The following CHN1 variants were observed in gnomAD, a reference collection of about 807,000 sequenced individuals.
CHN1 encodes the protein chimerin 1, also known as N-chimaerin.
Under a neutral mutation model 59.5 loss-of-function variants are expected in CHN1, and 37 were observed. That is an observed-to-expected ratio of 0.62 (90% confidence interval 0.48 to 0.82). The LOEUF is 0.82. Ranked by LOEUF, CHN1 falls within the 40% of genes least tolerant of loss-of-function variation. The probability of loss-of-function intolerance (pLI) is 0.00; values close to 1 mark genes in which losing one functional copy is unlikely to be tolerated. For missense variants in CHN1, 469 were observed against 571.0 expected (o/e 0.82, Z 1.82); for synonymous variants, 206 against 200.4 (o/e 1.03, Z -0.24).
At chr2:174,910,549 C>A (rs1429996512) in intron 5 of CHN1, among the ~76,000 whole-genome samples, 1 of 151,862 alleles carries the variant, frequency 6.6e-6, no homozygotes, top group Non-Finnish European at 1.5e-5. Flanking sequence ...AAGTAAACAG[C>A]CATTAGGATA....
At chr2:174,875,539 T>C (rs1687542067) in intron 6 of CHN1, among the ~76,000 whole-genome samples, 1 of 152,186 alleles carries the variant, frequency 6.6e-6, no homozygotes. Flanking sequence ...TTCAGAAAAG[T>C]AAAGCAGTTT....
At chr2:174,971,722 G>C (rs1690764287) in intron 1 of CHN1, among the ~76,000 whole-genome samples, 1 of 152,172 alleles carries the variant, frequency 6.6e-6, no homozygotes, top group Non-Finnish European at 1.5e-5. Context: ...AAAGTCACAA[G>C]GAGCAGAGCC....
intron 5 of CHN1, among the ~76,000 whole-genome samples, chr2:174,910,208 T>C (rs1386701863): frequency 6.6e-6 from 1 of 152,204 alleles, no homozygotes; most frequent in Non-Finnish European, 1.5e-5. Context: ...ATAGTTTTAG[T>C]GAAATACATA....
chr2:174,886,425 T>G (rs545541235), intron 5 of CHN1, among the ~76,000 whole-genome samples: 1 of 152,344 alleles, frequency 6.6e-6, no homozygotes, highest in African/African-American at 2.4e-5. Flanking sequence ...AACTTCTAGT[T>G]CTTAGATCTA....
intron 3 of CHN1, chr2:174,920,969 G>T: frequency 2.3e-6 from 1 of 432,374 alleles, no homozygotes; most frequent in Non-Finnish European, 4.7e-6. Flanking sequence ...CTCATAAGGG[G>T]CATGCAACCT....
intron 3 of CHN1, among the ~76,000 whole-genome samples, chr2:174,922,433 G>C (rs1170586608): frequency 1.3e-5 from 2 of 152,170 alleles, no homozygotes; most frequent in Non-Finnish European, 2.9e-5. Context: ...GCTCATACCT[G>C]TAATCCCAGC....
chr2:174,879,987 T>G (rs1223779891), intron 5 of CHN1, among the ~76,000 whole-genome samples: 1 of 152,130 alleles, frequency 6.6e-6, no homozygotes, highest in Non-Finnish European at 1.5e-5. Flanking sequence ...AGAGTTAACT[T>G]CCTAGTTCTT....
At chr2:174,923,597 G>T (rs1329093120) in intron 3 of CHN1, among the ~76,000 whole-genome samples, 1 of 152,182 alleles carries the variant, frequency 6.6e-6, no homozygotes, top group African/African-American at 2.4e-5. Flanking sequence ...TGAGGTTAAA[G>T]GAGAGTTTTT....
rs756464847 is a variant in CHN1, at chr2:174,913,368, C to T, written c.260+1690G>A. 3.9e-5 allele frequency among the ~76,000 whole-genome samples: 6 copies of T among 151,950 alleles called. No individual in the cohort carries two copies. In the South Asian group the frequency reaches 6.2e-4, roughly 16 times the overall value. On this transcript the variant is annotated intron_variant, in intron 5 of 12. Coordinates refer to ENST00000409900, the MANE Select transcript of CHN1 (RefSeq NM_001822.7). ...CTGTTTACCATAGATAATCAGATGA[C>T]CAGACTATTTGGAAATAAGGTGGTG...
chr2:174,816,306 A>T (rs1384454186), intron 8 of CHN1, among the ~76,000 whole-genome samples: 2 of 152,210 alleles, frequency 1.3e-5, no homozygotes, highest in Non-Finnish European at 2.9e-5. Context: ...GAAGGAAGCT[A>T]GAGTTCCACT....
chr2:174,997,246 G>A (rs1005446339), intron 1 of CHN1, among the ~76,000 whole-genome samples: 1 of 152,022 alleles, frequency 6.6e-6, no homozygotes, highest in Non-Finnish European at 1.5e-5. Flanking sequence ...TCACTTAACG[G>A]TATCATCCAT....
chr2:174,866,206 A>G (rs1056798604), intron 6 of CHN1, among the ~76,000 whole-genome samples: 2 of 152,196 alleles, frequency 1.3e-5, no homozygotes, highest in African/African-American at 4.8e-5. Flanking sequence ...CAGAAAAAGA[A>G]CCAGATACTG....
At chr2:174,928,034 G>A (rs1396489413) in intron 3 of CHN1, among the ~76,000 whole-genome samples, 1 of 152,178 alleles carries the variant, frequency 6.6e-6, no homozygotes, top group Non-Finnish European at 1.5e-5. Context: ...GTTGTCTGGA[G>A]AAGTAGAAGG....
chr2:174,840,574 T>C (rs1196938818), intron 7 of CHN1, among the ~76,000 whole-genome samples: 1 of 152,182 alleles, frequency 6.6e-6, no homozygotes. Flanking sequence ...TACATATTAC[T>C]GTGTCTCCTC....
intron 3 of CHN1, 88 bp downstream of exon 3, chr2:174,944,800 C>T: frequency 1.1e-6 from 1 of 873,524 alleles, no homozygotes; most frequent in Non-Finnish European, 1.8e-6. Flanking sequence ...TGGTTAATCT[C>T]ACAAACAACC....
intron 5 of CHN1, among the ~76,000 whole-genome samples, chr2:174,883,986 T>TTTTA (rs1687818278): frequency 6.7e-6 from 1 of 148,342 alleles, no homozygotes; most frequent in African/African-American, 2.5e-5. Flanking sequence ...TTTTTTTTTT[T>TTTTA]AGACGTAGTC....
At chr2:174,907,866 G>A (rs1464458245) in intron 5 of CHN1, among the ~76,000 whole-genome samples, 1 of 151,848 alleles carries the variant, frequency 6.6e-6, no homozygotes, top group Non-Finnish European at 1.5e-5. Context: ...ATTGATAAAA[G>A]TTTTATGTTT....
intron 11 of CHN1, among the ~76,000 whole-genome samples, chr2:174,805,125 A>G (rs1195269748): frequency 2.6e-5 from 4 of 152,218 alleles, no homozygotes; most frequent in Non-Finnish European, 4.4e-5. Flanking sequence ...TACACATGGA[A>G]TAAGGGTGAT....
chr2:174,980,611 T>C (rs1691115788), intron 1 of CHN1, among the ~76,000 whole-genome samples: 1 of 152,308 alleles, frequency 6.6e-6, no homozygotes, highest in Non-Finnish European at 1.5e-5. Context: ...GATTTAAAAT[T>C]CAGGTGAGAT....
Sources: gnomAD v4.1 joint callset for allele counts (sites outside exome capture counted in the v4.1 genomes callset) on GRCh38, gnomAD v4.1.1 for gene constraint, MANE v1.5 for transcripts, NCBI Gene and HGNC (gene_info 2026-07-23, HGNC 2026-07-21) for gene names.